The following PTBP3 variants were observed in gnomAD, a reference collection of about 807,000 sequenced individuals.
PTBP3 encodes polypyrimidine tract-binding protein 3.
PTBP3 carries 20 observed loss-of-function variants against 58.7 expected under a neutral mutation model. The ratio of observed to expected loss-of-function variants is 0.34; its 90% CI spans 0.24 to 0.50. PTBP3 has a LOEUF of 0.50. Among genes scored for constraint, PTBP3 ranks in the 20% least tolerant of loss-of-function variants. The pLI, the probability that PTBP3 is intolerant of heterozygous loss-of-function variation, is 0.98. For missense variants in PTBP3, 509 were observed against 637.2 expected (o/e 0.80, Z 2.17); for synonymous variants, 185 against 219.8 (o/e 0.84, Z 1.40).
chr9:112,292,326 C>T (rs1309669645), intron 2 of PTBP3, among the ~76,000 whole-genome samples: 3 of 152,170 alleles, frequency 2.0e-5, no homozygotes, highest in Admixed American at 6.5e-5. Flanking sequence ...CTGTGTACCA[C>T]TGGTGGGAAT....
At chr9:112,225,949 TG>T (rs1834972738) in intron 12 of PTBP3, among the ~76,000 whole-genome samples, 1 of 151,930 alleles carries the variant, frequency 6.6e-6, no homozygotes, top group African/African-American at 2.4e-5. Context: ...AAAGCTGAGG[TG>T]GGAAGATCAC....
At position 112,220,196 on chromosome 9, in the gene PTBP3, C is replaced by A; in HGVS notation, c.*3655G>T. 2.2e-6 allele frequency: 3 copies of A among 1,344,604 alleles called. No homozygotes were observed. The highest frequency in any genetic ancestry group is 2.9e-6 in the Non-Finnish European group (3 of 1,018,472). The allele number at this position is 1,344,604 out of a possible 1,614,324, so 83.3% of individuals were successfully genotyped here. A position where few individuals can be genotyped will look rare whatever the true frequency, so the allele number is the denominator to read the frequency against. The stretch of plus-strand genomic sequence containing the variant: ...GTCAATTTTTTGTCCAAAAATATCT[C>A]GTGGGAACAGAAGAGAAACTGCATG... On this transcript the variant is annotated 3_prime_UTR_variant, in exon 14 of 14. Coordinates refer to ENST00000374257, the MANE Select transcript of PTBP3 (RefSeq NM_001163788.4).
At chr9:112,298,652 G>C (rs1438961454) in intron 1 of PTBP3, 5 of 427,092 alleles carry the variant, frequency 1.2e-5, no homozygotes, top group African/African-American at 4.2e-5. Flanking sequence ...TTAAGAACAA[G>C]TGTTTTGATA....
intron 4 of PTBP3, among the ~76,000 whole-genome samples, chr9:112,265,900 A>C (rs1002998903): frequency 5.9e-5 from 9 of 152,220 alleles, no homozygotes; most frequent in Non-Finnish European, 1.3e-4. Flanking sequence ...AAAAATTCCT[A>C]ATAGAAATAA....
At chr9:112,307,991 G>A (rs1467246939) in intron 1 of PTBP3, among the ~76,000 whole-genome samples, 3 of 152,200 alleles carry the variant, frequency 2.0e-5, no homozygotes, top group Non-Finnish European at 4.4e-5. Context: ...TAGTGTTAGT[G>A]TATTTTATGT....
chr9:112,344,629 A>G, the PTBP3 span, among the ~76,000 whole-genome samples: 1,391 of 152,316 alleles, frequency 9.1e-3, 27 homozygotes, highest in African/African-American at 0.031. Context: ...CTGCTAAAAC[A>G]ATATGAATAT....
At chr9:112,274,482 G>C (rs1247937920) in intron 3 of PTBP3, among the ~76,000 whole-genome samples, 2 of 152,072 alleles carry the variant, frequency 1.3e-5, no homozygotes, top group Non-Finnish European at 2.9e-5. Flanking sequence ...AAGAACTAAA[G>C]AATTCATTCC....
At chr9:112,299,723 C>A (rs1009227042) in intron 1 of PTBP3, among the ~76,000 whole-genome samples, 8 of 152,172 alleles carry the variant, frequency 5.3e-5, no homozygotes, top group African/African-American at 1.9e-4. Context: ...TCCCTCCCCC[C>A]ATTGACAACA....
chr9:112,241,016 G>C (rs1232206056), intron 7 of PTBP3, among the ~76,000 whole-genome samples: 1 of 152,174 alleles, frequency 6.6e-6, no homozygotes, highest in East Asian at 1.9e-4. Context: ...TATTACGAAA[G>C]AGTCAAAAGT....
intron 3 of PTBP3, among the ~76,000 whole-genome samples, chr9:112,274,201 T>A (rs994290059): frequency 2.0e-5 from 3 of 152,230 alleles, no homozygotes; most frequent in Non-Finnish European, 4.4e-5. Flanking sequence ...AGTAACCTCA[T>A]GTGAATTTAA....
chr9:112,340,808 G>A, the PTBP3 span, among the ~76,000 whole-genome samples: 4 of 151,828 alleles, frequency 2.6e-5, no homozygotes, highest in Admixed American at 6.6e-5. Context: ...CCCGGGAGGC[G>A]GAGGTTGCGG....
Position 112,244,289 on chromosome 9 carries a change from C to CAAAAAA in PTBP3, c.802+6634_802+6639dup, listed in dbSNP as rs56052359. ...TGGGCAACAGAGTGAGACTCTGTCT[C>CAAAAAA]AAAAAAAAAAAAAAAAAAGTTCTCA... is the stretch of plus-strand genomic sequence containing the variant. On this transcript the variant is annotated intron_variant, in intron 7 of 13. Coordinates refer to ENST00000374257, the MANE Select transcript of PTBP3 (RefSeq NM_001163788.4). Among the ~76,000 whole-genome samples the CAAAAAA allele has an allele frequency of 9.4e-4, 34 of 36,294 alleles. 3 individuals are homozygous for CAAAAAA. Among genetic ancestry groups the CAAAAAA allele is most frequent in the Admixed American group, 3.4e-3 (10 of 2,934 alleles). The allele number at this position is 36,294 out of a possible 152,430, so 23.8% of individuals were successfully genotyped here. A position where few individuals can be genotyped will look rare whatever the true frequency, so the allele number is the denominator to read the frequency against.
chr9:112,224,629 G>A (rs1047550622), intron 12 of PTBP3, among the ~76,000 whole-genome samples: 1 of 152,174 alleles, frequency 6.6e-6, no homozygotes, highest in African/African-American at 2.4e-5. Flanking sequence ...TTCTGAATGT[G>A]TGTATGTGGC....
chr9:112,287,335 TTTTTTG>T lies in PTBP3; in HGVS notation c.34+10491_34+10496del, dbSNP rs1485088716. Among the ~76,000 whole-genome samples the T allele has an allele frequency of 9.6e-4, 8 of 8,332 alleles. 1 individual carries two copies. Among genetic ancestry groups the T allele is most frequent in the African/African-American group, 1.6e-3 (4 of 2,434 alleles). 5.5% of individuals were successfully genotyped at this position (8,332 alleles called of 152,430 possible). A position where few individuals can be genotyped will look rare whatever the true frequency, so the allele number is the denominator to read the frequency against. ...AAGGCTCTGTTCACTTCTTTTTCAG[TTTTTTG>T]TTTTTTTTTTTTTTTTGAGACAGAG... On this transcript the variant is annotated intron_variant, in intron 2 of 13. Coordinates refer to ENST00000374257, the MANE Select transcript of PTBP3 (RefSeq NM_001163788.4).
chr9:112,237,070 A>C (rs1272761672), intron 7 of PTBP3, among the ~76,000 whole-genome samples: 2 of 152,200 alleles, frequency 1.3e-5, no homozygotes, highest in Non-Finnish European at 2.9e-5. Flanking sequence ...TTTGAGAGAA[A>C]TGAGGAAAGA....
rs72086685 is a variant in PTBP3, at chr9:112,233,272, GGTGTGTGTGTGTGTGTGT to G, written c.881-1052_881-1035del. Among the ~76,000 whole-genome samples the G allele has an allele frequency of 2.7e-3, 393 of 144,400 alleles. 6 individuals are homozygous for G. In the South Asian group the frequency reaches 0.039, roughly 14 times the overall value. The allele number at this position is 144,400 out of a possible 152,430, so 94.7% of individuals were successfully genotyped here. ...AGAGCACAGTTGAGCTACACTGTAG[GGTGTGTGTGTGTGTGTGT>G]GTGTGTGTGTGTGTGTGTGTGTGTG... On this transcript the variant is annotated intron_variant, in intron 8 of 13. Transcript: ENST00000374257.
At chr9:112,332,512 C>T (rs1001604241) in intron 1 of PTBP3, among the ~76,000 whole-genome samples, 3 of 152,074 alleles carry the variant, frequency 2.0e-5, no homozygotes, top group Admixed American at 2.0e-4. Flanking sequence ...TAAAAAAAAC[C>T]TCAAATACAT....
intron 7 of PTBP3, among the ~76,000 whole-genome samples, chr9:112,240,433 T>C (rs1199596760): frequency 6.6e-6 from 1 of 152,184 alleles, no homozygotes; most frequent in African/African-American, 2.4e-5. Context: ...AGTAATGTTA[T>C]AGCCATTGTA....
chr9:112,246,273 G>A (rs1024523307), intron 7 of PTBP3, among the ~76,000 whole-genome samples: 6 of 151,732 alleles, frequency 4.0e-5, no homozygotes, highest in African/African-American at 1.2e-4. Flanking sequence ...GTAAGCCACC[G>A]CACCCAGCCA....
Sources: allele counts gnomAD v4.1 joint callset (sites outside exome capture counted in the v4.1 genomes callset), GRCh38; gene constraint gnomAD v4.1.1; transcripts MANE v1.5; gene names NCBI Gene and HGNC (gene_info 2026-07-23, HGNC 2026-07-21).